The following SLC41A2 variants were observed in gnomAD, a reference collection of about 807,000 sequenced individuals.
SLC41A2 encodes SLC41A1-like 1.
In SLC41A2, 32 loss-of-function variants were observed where a neutral mutation model predicts 58.3. That is an observed-to-expected ratio of 0.55 (90% CI 0.41 to 0.74). The LOEUF (loss-of-function observed/expected upper bound fraction) is 0.74, where lower values mean the gene tolerates loss of function less well. Among genes scored for constraint, SLC41A2 ranks in the 30% least tolerant of loss-of-function variants. The pLI is 0.00. For synonymous variants in SLC41A2, 190 were observed against 235.0 expected, an observed-to-expected ratio of 0.81 and a Z score of 1.75; for missense variants, 514 against 680.6, an observed-to-expected ratio of 0.76 and a Z score of 2.72.
chr12:104,846,928 A>G (rs2042618567), intron 8 of SLC41A2, among the ~76,000 whole-genome samples: 1 of 152,246 alleles, frequency 6.6e-6, no homozygotes, highest in Non-Finnish European at 1.5e-5. Flanking sequence ...TATTTATCTC[A>G]GTCTCCAATG....
intron 2 of SLC41A2, 75 bp from the exon 3 acceptor site, chr12:104,909,837 A>C: frequency 9.6e-7 from 1 of 1,040,254 alleles, no homozygotes; most frequent in Non-Finnish European, 1.4e-6. Flanking sequence ...ATTTCTAAAA[A>C]TCTCAGCCTT....
intron 4 of SLC41A2, among the ~76,000 whole-genome samples, chr12:104,890,601 T>C (rs1244404939): frequency 6.6e-6 from 1 of 152,110 alleles, no homozygotes; most frequent in Non-Finnish European, 1.5e-5. Flanking sequence ...TCTGGAAATA[T>C]GCAAAATAAT....
chr12:104,933,167 A>T (rs1158340827), intron 1 of SLC41A2, among the ~76,000 whole-genome samples: 1 of 152,168 alleles, frequency 6.6e-6, no homozygotes, highest in Non-Finnish European at 1.5e-5. Context: ...TTCTACAAGG[A>T]AGTCAAATCA....
chr12:104,866,555 A>C lies in SLC41A2; in HGVS notation c.1052T>G (p.Leu351Ter). 1 of 1,605,774 alleles carries C rather than the reference A, an allele frequency of 6.2e-7. No individual in the cohort carries two copies. Among genetic ancestry groups the C allele is most frequent in the East Asian group, 2.2e-5 (1 of 44,722 alleles). The change falls in exon 7 of 11, where the codon TTA (leucine) becomes TGA (stop). Residue 351 changes from leucine to a stop codon, truncating the protein, a stop_gained. Transcript: ENST00000258538. LOFTEE classifies it high-confidence loss of function. ...TAGAGCCAAGAAAAATACACCAACT[A>C]ATGGAGAAATGTAGTAATAGGTCTC... Reference protein sequence around the residue: ...CLETYYYISPLVGVFFLALTP... With the variant: ...CLETYYYISP
chr12:104,921,485 C>T (rs1185105786), intron 2 of SLC41A2, among the ~76,000 whole-genome samples: 1 of 150,150 alleles, frequency 6.7e-6, no homozygotes, highest in Non-Finnish European at 1.5e-5. Flanking sequence ...TTTCAAAATG[C>T]TGAAAGAAAT....
chr12:104,924,338 C>A (rs1241712692), intron 2 of SLC41A2, among the ~76,000 whole-genome samples: 3 of 152,166 alleles, frequency 2.0e-5, no homozygotes, highest in African/African-American at 7.2e-5. Context: ...TTGGTGCAAC[C>A]AATGTGGAAA....
intron 1 of SLC41A2, among the ~76,000 whole-genome samples, chr12:104,935,627 C>T (rs577040712): frequency 3.3e-5 from 5 of 152,212 alleles, no homozygotes; most frequent in African/African-American, 9.6e-5. Context: ...TCTTTAGGTG[C>T]TACAGGCAAA....
At chr12:104,913,070 T>A (rs924311474) in intron 2 of SLC41A2, among the ~76,000 whole-genome samples, 3 of 152,170 alleles carry the variant, frequency 2.0e-5, no homozygotes, top group Admixed American at 1.3e-4. Context: ...GAAATACTTA[T>A]GGGAGAATTA....
chr12:104,818,601 G>A (rs1277718743), intron 10 of SLC41A2, among the ~76,000 whole-genome samples: 1 of 152,088 alleles, frequency 6.6e-6, no homozygotes, highest in Admixed American at 6.6e-5. Flanking sequence ...CAGGACAGCC[G>A]GGTGCGGTGG....
chr12:104,858,983 ATGT>A (rs1187120704), intron 8 of SLC41A2, among the ~76,000 whole-genome samples: 2 of 152,226 alleles, frequency 1.3e-5, no homozygotes, highest in South Asian at 2.1e-4. Flanking sequence ...TCTTACTGAA[ATGT>A]TGTTTAATAT....
chr12:104,946,796 T>G (rs2047735345), intron 1 of SLC41A2, among the ~76,000 whole-genome samples: 1 of 152,166 alleles, frequency 6.6e-6, no homozygotes. Context: ...TTAAGAGAGA[T>G]AATCTGCTTC....
At chr12:104,936,206 T>C (rs150043819) in intron 1 of SLC41A2, among the ~76,000 whole-genome samples, 1 of 152,320 alleles carries the variant, frequency 6.6e-6, no homozygotes, top group East Asian at 1.9e-4. Flanking sequence ...TAGTACATAA[T>C]ATTTGCCAAT....
chr12:104,897,621 AATGT>A (rs1215622756), intron 3 of SLC41A2, among the ~76,000 whole-genome samples: 1 of 152,214 alleles, frequency 6.6e-6, no homozygotes, highest in African/African-American at 2.4e-5. Context: ...AAATTAAAAC[AATGT>A]ATGACATAAA....
At chr12:104,808,828 C>A (rs1371199459) in intron 10 of SLC41A2, among the ~76,000 whole-genome samples, 2 of 152,176 alleles carry the variant, frequency 1.3e-5, no homozygotes. Context: ...TTATCCATTT[C>A]TTCTAGATTT....
At chr12:104,821,516 C>G (rs1184187783) in intron 10 of SLC41A2, among the ~76,000 whole-genome samples, 1 of 152,102 alleles carries the variant, frequency 6.6e-6, no homozygotes, top group Non-Finnish European at 1.5e-5. Flanking sequence ...AGTAAAATAG[C>G]TGAATGGTAG....
intron 10 of SLC41A2, among the ~76,000 whole-genome samples, chr12:104,829,199 T>A (rs979595860): frequency 1.3e-5 from 2 of 152,224 alleles, no homozygotes; most frequent in African/African-American, 4.8e-5. Context: ...TGTACATGCA[T>A]ATTCATAGCA....
chr12:104,947,437 A>G (rs1339596533), intron 1 of SLC41A2, among the ~76,000 whole-genome samples: 2 of 151,730 alleles, frequency 1.3e-5, no homozygotes, highest in East Asian at 3.9e-4. Flanking sequence ...TCCTGACCTC[A>G]GGTCCACCCA....
intron 8 of SLC41A2, among the ~76,000 whole-genome samples, chr12:104,857,105 A>G (rs2043046613): frequency 6.6e-6 from 1 of 152,200 alleles, no homozygotes; most frequent in African/African-American, 2.4e-5. Flanking sequence ...GTATTTCAAA[A>G]AAGAGTACAT....
chr12:104,841,141 C>G (rs56745471), intron 10 of SLC41A2, among the ~76,000 whole-genome samples: 2,792 of 152,218 alleles, frequency 0.018, 102 homozygotes, highest in African/African-American at 0.063. Flanking sequence ...CCCTCCACTT[C>G]CACTTCCCCA....
Sources: gnomAD v4.1 joint callset for allele counts (sites outside exome capture counted in the v4.1 genomes callset) on GRCh38, gnomAD v4.1.1 for gene constraint, MANE v1.5 for transcripts, NCBI Gene and HGNC (gene_info 2026-07-23, HGNC 2026-07-21) for gene names.